Variants in OVCH1 observed in about 807,000 individuals in gnomAD.
OVCH1 encodes the protein ovochymase-1.
A neutral mutation model predicts 138.4 loss-of-function variants in OVCH1; 139 were observed. That is an observed-to-expected ratio of 1.00 (90% CI 0.87 to 1.16). The LOEUF is 1.16. Among genes scored for constraint, OVCH1 ranks in the 50% most tolerant of loss-of-function variants. The pLI is 0.00. For missense variants in OVCH1, 1,367 were observed against 1,357.9 expected (o/e 1.01, Z -0.11); for synonymous variants, 453 against 467.8 (o/e 0.97, Z 0.41).
downstream of OVCH1, among the ~76,000 whole-genome samples, chr12:29,411,002 GT>G (rs940185197): frequency 4.6e-5 from 7 of 151,174 alleles, no homozygotes; most frequent in African/African-American, 1.5e-4. Flanking sequence ...TGGAGGCTTA[GT>G]TTTTTTTATT....
intron 27 of OVCH1, among the ~76,000 whole-genome samples, chr12:29,432,741 T>G (rs1304428726): frequency 6.6e-6 from 1 of 152,158 alleles, no homozygotes; most frequent in Non-Finnish European, 1.5e-5. Flanking sequence ...AGTCAAAGAC[T>G]GGGTCCTGGG....
At position 29,444,131 on chromosome 12, in the gene OVCH1, C is replaced by G; in HGVS notation, c.3017+14G>C. 2 of 1,582,946 alleles carry G rather than the reference C, an allele frequency of 1.3e-6. No individual in the cohort carries two copies. Among genetic ancestry groups the G allele is most frequent in the Non-Finnish European group, 1.7e-6 (2 of 1,166,210 alleles). The stretch of plus-strand genomic sequence containing the variant: ...CACACACTTCTTCCATTATAATAAT[C>G]ATGACTTCCTTACCCCATAGTAGTT... On this transcript the variant is annotated intron_variant, in intron 24 of 27. Transcript: ENST00000318184.
intron 22 of OVCH1, among the ~76,000 whole-genome samples, chr12:29,447,472 C>G (rs1941649799): frequency 6.6e-6 from 1 of 151,838 alleles, no homozygotes; most frequent in African/African-American, 2.4e-5. Context: ...TAACTTCATG[C>G]AAAAAACAAA....
chr12:29,443,308 A>G (rs920553756), intron 25 of OVCH1, 53 bp downstream of exon 25: 4 of 1,551,982 alleles, frequency 2.6e-6, no homozygotes, highest in African/African-American at 2.7e-5. Context: ...CAATCTAAAC[A>G]TGTTTCATCA....
chr12:29,460,368 T>TAATAAA (rs1942089190), intron 19 of OVCH1, among the ~76,000 whole-genome samples: 2 of 152,164 alleles, frequency 1.3e-5, no homozygotes, highest in Admixed American at 6.5e-5. Context: ...AGGGGAAGAA[T>TAATAAA]GAACACATTA....
rs1942781726 is a variant in OVCH1, at chr12:29,477,486, G to C, written c.1114-13C>G. ...TTTTTCCACAGACCTTACCTTAAAA[G>C]AAGAGAAGGAAAGTGAAATAACATT... is the stretch of plus-strand genomic sequence containing the variant. On this transcript the variant is annotated splice_polypyrimidine_tract_variant and intron_variant, in intron 10 of 27. Transcript: ENST00000318184. The C allele has an allele frequency of 6.2e-7, 1 of 1,613,906 alleles. No individual in the cohort carries two copies. The highest frequency in any genetic ancestry group is 2.2e-5 in the East Asian group (1 of 44,876).
chr12:29,451,519 G>A, exon 22 of OVCH1: 1 of 1,613,102 alleles, frequency 6.2e-7, no homozygotes, highest in Non-Finnish European at 8.5e-7. Flanking sequence ...AGATACCGTG[G>A]TGTGGGAAAA....
At chr12:29,464,347 T>G in intron 18 of OVCH1, 160 bp downstream of exon 18, 1 of 851,288 alleles carries the variant, frequency 1.2e-6, no homozygotes, top group East Asian at 2.7e-5. Flanking sequence ...AAATAGCTCA[T>G]TCTCTATTTA....
At chr12:29,440,882 C>G (rs1235938369) in intron 25 of OVCH1, 138 bp from the exon 26 acceptor site, 2 of 401,438 alleles carry the variant, frequency 5.0e-6, no homozygotes, top group Non-Finnish European at 9.9e-6. Flanking sequence ...GAGAGTGACA[C>G]TTGTATCTGG....
chr12:29,404,323 TC>T, the OVCH1 span, among the ~76,000 whole-genome samples: 1 of 152,124 alleles, frequency 6.6e-6, no homozygotes, highest in Non-Finnish European at 1.5e-5. Context: ...GCGGTGGTCT[TC>T]CAGAATCTCC....
downstream of OVCH1, among the ~76,000 whole-genome samples, chr12:29,426,298 G>A (rs1321912914): frequency 3.9e-5 from 6 of 152,164 alleles, no homozygotes; most frequent in African/African-American, 1.4e-4. Context: ...TGCTTTAAAA[G>A]GAAGCAGAGA....
chr12:29,496,312 A>G, intron 2 of OVCH1, 34 bp from the exon 3 acceptor site: 2 of 1,494,880 alleles, frequency 1.3e-6, no homozygotes, highest in Non-Finnish European at 1.8e-6. Flanking sequence ...TGCAGCTAAT[A>G]TGTCTCCCCA....
chr12:29,480,226 G>GA (rs1389999723), intron 8 of OVCH1, among the ~76,000 whole-genome samples: 1 of 152,058 alleles, frequency 6.6e-6, no homozygotes, highest in Non-Finnish European at 1.5e-5. Context: ...CACTTCAATG[G>GA]AAAAAAGCAC....
downstream of OVCH1, chr12:29,423,067 G>T: frequency 2.9e-6 from 1 of 349,224 alleles, no homozygotes; most frequent in South Asian, 2.2e-5. Context: ...TGGGCTGCAG[G>T]TTCTACTTCA....
chr12:29,474,576 CA>C lies in OVCH1; in HGVS notation c.1600+484del, dbSNP rs547526841. Among the ~76,000 whole-genome samples the C allele has an allele frequency of 2.6e-4, 40 of 152,274 alleles. No individual in the cohort carries two copies. In the East Asian group the frequency reaches 7.3e-3, roughly 28 times the overall value. ...CTCCTGCCTTTTCTATTATTCCCTCCAAAACTCAAAACATGTAGAGTTATTT... is the reference window on the plus strand; with the variant it reads ...CTCCTGCCTTTTCTATTATTCCCTCCAAACTCAAAACATGTAGAGTTATTT... On this transcript the variant is annotated intron_variant, in intron 14 of 27. Transcript: ENST00000318184.
intron 4 of OVCH1, among the ~76,000 whole-genome samples, chr12:29,494,297 T>C (rs1943352164): frequency 6.6e-6 from 1 of 152,138 alleles, no homozygotes; most frequent in Non-Finnish European, 1.5e-5. Context: ...GGCTAACTAC[T>C]CTGGACTTGT....
At position 29,445,201 on chromosome 12, in the gene OVCH1, T is replaced by A. The variant is rs141085430; in HGVS notation, c.2881+77A>T. ...ACATAATTTCTTTCAAAATGTTGTA[T>A]ATGTTTGGAAATATTCCTAAATAGA... On this transcript the variant is annotated intron_variant, in intron 23 of 27. Coordinates refer to ENST00000318184, the Ensembl canonical transcript of OVCH1. 5.4e-4 allele frequency: 752 copies of A among 1,400,788 alleles called. 6 individuals carry two copies. In the African/African-American group the frequency reaches 9.5e-3, roughly 18 times the overall value. The allele number at this position is 1,400,788 out of a possible 1,614,324, so 86.8% of individuals were successfully genotyped here. A position where few individuals can be genotyped will look rare whatever the true frequency, so the allele number is the denominator to read the frequency against.
At position 29,429,388 on chromosome 12, in the gene OVCH1, A is replaced by C. The variant is rs79957326; in HGVS notation, c.3328-1740T>G. 2.9e-4 allele frequency among the ~76,000 whole-genome samples: 44 copies of C among 152,340 alleles called. No individual in the cohort carries two copies. In the East Asian group the frequency reaches 7.1e-3, roughly 25 times the overall value. ...TCTCATACTCATCCAACTGTGCTCA[A>C]TAATGCTATAGGATTCTAATGAAGG... On this transcript the variant is annotated intron_variant, in intron 27 of 27. Transcript: ENST00000318184.
At chr12:29,446,716 A>G in intron 22 of OVCH1, among the ~76,000 whole-genome samples, 1 of 152,106 alleles carries the variant, frequency 6.6e-6, no homozygotes, top group East Asian at 1.9e-4. Flanking sequence ...TATTATTGAA[A>G]TAGTGCTATC....
Sources: allele counts gnomAD v4.1 joint callset (sites outside exome capture counted in the v4.1 genomes callset), GRCh38; gene constraint gnomAD v4.1.1; transcripts MANE v1.5; gene names NCBI Gene and HGNC (gene_info 2026-07-23, HGNC 2026-07-21).